Variants in SLIT3 observed in about 807,000 individuals in gnomAD.
The protein encoded by SLIT3 is slit homolog 3 protein.
A neutral mutation model predicts 184.0 loss-of-function variants in SLIT3; 68 were observed. The observed-to-expected ratio is 0.37, with a 90% CI of 0.30 to 0.45. SLIT3 has a LOEUF of 0.45. SLIT3 is among the 20% of genes least tolerant of loss of function. The pLI, the probability that SLIT3 is intolerant of heterozygous loss-of-function variation, is 1.00. For synonymous variants in SLIT3, 831 were observed against 828.6 expected (o/e 1.00, Z -0.05); for missense variants, 1,707 against 2,026.0 (o/e 0.84, Z 3.02).
At chr5:169,117,470 T>G (rs1760716567) in intron 4 of SLIT3, among the ~76,000 whole-genome samples, 1 of 151,584 alleles carries the variant, frequency 6.6e-6, no homozygotes, top group Non-Finnish European at 1.5e-5. Flanking sequence ...TTTGAAAAGC[T>G]ATGGCTGTTT....
chr5:169,051,443 G>A (rs1038059971), intron 4 of SLIT3, among the ~76,000 whole-genome samples: 1 of 151,978 alleles, frequency 6.6e-6, no homozygotes, highest in African/African-American at 2.4e-5. Flanking sequence ...TGCTGTAGTT[G>A]ATTAGCTTTT....
At chr5:168,752,915 GA>G in intron 18 of SLIT3, 39 bp downstream of exon 18, 1 of 1,601,550 alleles carries the variant, frequency 6.2e-7, no homozygotes, top group Non-Finnish European at 8.6e-7. Context: ...TGCAGAGTGG[GA>G]TCCCAGAGTC....
chr5:169,062,305 A>G (rs1758198047), intron 4 of SLIT3, among the ~76,000 whole-genome samples: 1 of 152,230 alleles, frequency 6.6e-6, no homozygotes, highest in South Asian at 2.1e-4. Context: ...CTAGTGACAT[A>G]AGATAAATCT....
chr5:169,190,456 C>T (rs1029009692), intron 4 of SLIT3, among the ~76,000 whole-genome samples: 2 of 152,184 alleles, frequency 1.3e-5, no homozygotes, highest in Non-Finnish European at 2.9e-5. Context: ...CCTCTTTGGG[C>T]TAAACTAACT....
chr5:168,848,138 G>T (rs567166970), intron 5 of SLIT3, among the ~76,000 whole-genome samples: 2 of 152,312 alleles, frequency 1.3e-5, no homozygotes, highest in South Asian at 4.1e-4. Flanking sequence ...CGCAGTGCCA[G>T]CCACTTCACA....
At chr5:169,048,027 CTA>C (rs1757686319) in intron 4 of SLIT3, among the ~76,000 whole-genome samples, 1 of 152,156 alleles carries the variant, frequency 6.6e-6, no homozygotes, top group South Asian at 2.1e-4. Flanking sequence ...ATGGAAGAAA[CTA>C]TGTCAAACTC....
At chr5:168,734,318 G>A (rs1172370382) in intron 20 of SLIT3, among the ~76,000 whole-genome samples, 1 of 152,170 alleles carries the variant, frequency 6.6e-6, no homozygotes, top group Admixed American at 6.5e-5. Flanking sequence ...TTAGAGCCCT[G>A]CCTCCTGTCT....
intron 29 of SLIT3, among the ~76,000 whole-genome samples, chr5:168,688,424 C>T (rs1334354943): frequency 1.3e-5 from 2 of 152,138 alleles, no homozygotes; most frequent in Non-Finnish European, 2.9e-5. Flanking sequence ...CCTCATCCCT[C>T]TCCTCCCTCT....
At chr5:169,168,523 G>A (rs1207019949) in intron 4 of SLIT3, among the ~76,000 whole-genome samples, 1 of 152,132 alleles carries the variant, frequency 6.6e-6, no homozygotes, top group African/African-American at 2.4e-5. Flanking sequence ...GCACTGTGCT[G>A]GGAGCTCTAC....
intron 3 of SLIT3, among the ~76,000 whole-genome samples, chr5:169,217,976 G>A (rs1581066919): frequency 6.6e-6 from 1 of 152,200 alleles, no homozygotes. Context: ...CACAGAAAGC[G>A]AGACCTTTTC....
At chr5:169,038,823 G>A in intron 4 of SLIT3, among the ~76,000 whole-genome samples, 1 of 152,132 alleles carries the variant, frequency 6.6e-6, no homozygotes, top group East Asian at 1.9e-4. Context: ...ATGACACACA[G>A]TACAAAGAGA....
intron 7 of SLIT3, among the ~76,000 whole-genome samples, chr5:168,819,227 G>A (rs1326336181): frequency 2.6e-5 from 4 of 152,244 alleles, no homozygotes; most frequent in Non-Finnish European, 5.9e-5. Flanking sequence ...AAGCTGGTGG[G>A]AAGGACCTCA....
chr5:168,830,895 T>C (rs1757860209), intron 6 of SLIT3, among the ~76,000 whole-genome samples: 1 of 152,184 alleles, frequency 6.6e-6, no homozygotes. Context: ...GTGAATCACA[T>C]GAGTTTGTGA....
chr5:169,042,539 C>T (rs1027061947), intron 4 of SLIT3, among the ~76,000 whole-genome samples: 1 of 152,190 alleles, frequency 6.6e-6, no homozygotes, highest in Non-Finnish European at 1.5e-5. Flanking sequence ...AGCGAGAGCA[C>T]TTTTGCTTTC....
At chr5:168,795,644 A>T (rs1021686068) in intron 9 of SLIT3, 66 bp from the exon 10 acceptor site, 43 of 1,287,536 alleles carry the variant, frequency 3.3e-5, no homozygotes, top group Non-Finnish European at 4.3e-5. Context: ...ACTGAGGGCT[A>T]CTGTGTTCTC....
At chr5:169,070,010 A>G (rs1022921332) in intron 4 of SLIT3, among the ~76,000 whole-genome samples, 8 of 152,324 alleles carry the variant, frequency 5.3e-5, no homozygotes, top group Middle Eastern at 3.4e-3. Flanking sequence ...GACAGCTGTA[A>G]TAGCCCATGC....
intron 9 of SLIT3, among the ~76,000 whole-genome samples, chr5:168,797,942 G>C (rs1020745211): frequency 6.6e-6 from 1 of 152,130 alleles, no homozygotes; most frequent in African/African-American, 2.4e-5. Flanking sequence ...CAAAGTCACA[G>C]AACAGTTTAA....
Position 169,008,506 on chromosome 5 carries a change from C to T in SLIT3, c.414-125170G>A, listed in dbSNP as rs867517129. 5.3e-5 allele frequency among the ~76,000 whole-genome samples: 8 copies of T among 152,146 alleles called. No individual in the cohort carries two copies. In the East Asian group the frequency reaches 5.8e-4, roughly 11 times the overall value. Reference sequence around the variant, plus strand: ...GACCTCTTGGGCAGGTGGGCCCAGACGAGATAAGACCTGCAGTCCCGGCTA... The same window carrying T: ...GACCTCTTGGGCAGGTGGGCCCAGATGAGATAAGACCTGCAGTCCCGGCTA... On this transcript the variant is annotated intron_variant, in intron 4 of 35. Coordinates refer to ENST00000519560, the MANE Select transcript of SLIT3 (RefSeq NM_003062.4).
intron 5 of SLIT3, among the ~76,000 whole-genome samples, chr5:168,850,763 AAC>A (rs1758639406): frequency 6.6e-6 from 1 of 152,218 alleles, no homozygotes; most frequent in African/African-American, 2.4e-5. Flanking sequence ...AATGCCGTTC[AAC>A]ATATGCAACT....
Sources: allele counts gnomAD v4.1 joint callset (sites outside exome capture counted in the v4.1 genomes callset), GRCh38; gene constraint gnomAD v4.1.1; transcripts MANE v1.5; gene names NCBI Gene and HGNC (gene_info 2026-07-23, HGNC 2026-07-21).